Variants in IGFL2 observed in about 807,000 individuals in gnomAD.
The protein encoded by IGFL2 is insulin growth factor-like family member 2.
IGFL2 carries 7 observed loss-of-function variants against 13.9 expected under a neutral mutation model. That is an observed-to-expected ratio of 0.51 (90% CI 0.29 to 0.95). IGFL2 has a LOEUF of 0.95. Ranked by LOEUF, IGFL2 falls within the 40% of genes least tolerant of loss-of-function variation. The pLI is 0.08. For synonymous variants in IGFL2, 55 were observed against 55.8 expected (o/e 0.99, Z 0.07); for missense variants, 138 against 147.8 (o/e 0.93, Z 0.34).
chr19:46,111,897 A>G, the IGFL2 span: 2 of 152,260 alleles, frequency 1.3e-5, no homozygotes, highest in Admixed American at 6.5e-5. Context: ...ATATCCATGT[A>G]ACAACCTGTA....
chr19:46,141,826 T>C (rs1972871949), upstream of IGFL2, among the ~76,000 whole-genome samples: 1 of 152,200 alleles, frequency 6.6e-6, no homozygotes, highest in African/African-American at 2.4e-5. Context: ...TTGGTCAGTC[T>C]CCTGGGTATT....
At chr19:46,182,365 T>TAAAA in the IGFL2 span, among the ~76,000 whole-genome samples, 412 of 78,650 alleles carry the variant, frequency 5.2e-3, 3 homozygotes, top group African/African-American at 0.011. Flanking sequence ...AGACTTTGCC[T>TAAAA]AAAAAAAAAA....
intron 3 of IGFL2, 49 bp downstream of exon 3, chr19:46,160,930 TGAG>T (rs1203807967): frequency 3.1e-6 from 5 of 1,602,850 alleles, no homozygotes; most frequent in Non-Finnish European, 4.3e-6. Flanking sequence ...GAGGTGGAAA[TGAG>T]GAGGGGAGTC....
At chr19:46,128,417 G>T in the IGFL2 span, among the ~76,000 whole-genome samples, 1 of 152,114 alleles carries the variant, frequency 6.6e-6, no homozygotes, top group African/African-American at 2.4e-5. Flanking sequence ...TCCTTATCTT[G>T]TACCAGTTTT....
At chr19:46,159,416 A>C (rs908042428) in intron 1 of IGFL2, 2 of 152,206 alleles carry the variant, frequency 1.3e-5, no homozygotes, top group African/African-American at 4.8e-5. Flanking sequence ...ATGGAGTAGG[A>C]CTTGGCTGCA....
the IGFL2 span, among the ~76,000 whole-genome samples, chr19:46,138,050 A>G: frequency 6.6e-6 from 1 of 152,208 alleles, no homozygotes. Context: ...GTTAAGAACC[A>G]TTGCTGGGAA....
At chr19:46,178,226 A>G in the IGFL2 span, among the ~76,000 whole-genome samples, 135 of 152,158 alleles carry the variant, frequency 8.9e-4, 1 homozygote, top group African/African-American at 3.1e-3. Flanking sequence ...GCAGTGAGCC[A>G]AGATCGTGCC....
the IGFL2 span, among the ~76,000 whole-genome samples, chr19:46,168,219 G>A: frequency 6.6e-6 from 1 of 152,144 alleles, no homozygotes; most frequent in Non-Finnish European, 1.5e-5. Context: ...ACAGGCATGA[G>A]CTGCCAATAC....
chr19:46,148,006 C>G, upstream of IGFL2: 1 of 403,746 alleles, frequency 2.5e-6, no homozygotes, highest in Non-Finnish European at 4.4e-6. Flanking sequence ...TCACTCACGG[C>G]TTTGAAAGGT....
At chr19:46,098,054 C>A in the IGFL2 span, among the ~76,000 whole-genome samples, 1 of 152,128 alleles carries the variant, frequency 6.6e-6, no homozygotes, top group African/African-American at 2.4e-5. Flanking sequence ...GTCCTGAATA[C>A]CCTTGTTAAT....
the IGFL2 span, among the ~76,000 whole-genome samples, chr19:46,168,640 A>T: frequency 1.3e-5 from 2 of 152,132 alleles, no homozygotes; most frequent in African/African-American, 4.8e-5. Flanking sequence ...CTGACAAACA[A>T]CTTTGTATCA....
downstream of IGFL2, among the ~76,000 whole-genome samples, chr19:46,161,759 T>G (rs1051613798): frequency 1.3e-5 from 2 of 152,194 alleles, no homozygotes; most frequent in African/African-American, 4.8e-5. Flanking sequence ...TGGGTCTTGC[T>G]TTTTTATCCA....
the IGFL2 span, among the ~76,000 whole-genome samples, chr19:46,169,350 T>C: frequency 1.3e-5 from 2 of 152,208 alleles, no homozygotes; most frequent in Non-Finnish European, 2.9e-5. Flanking sequence ...ATTGTTTCAA[T>C]TGAATGCAGT....
chr19:46,159,567 T>C (rs1974024831), intron 1 of IGFL2: 2 of 152,218 alleles, frequency 1.3e-5, no homozygotes, highest in African/African-American at 2.4e-5. Context: ...CACCTGCCTG[T>C]ACATGCTTTC....
At chr19:46,181,317 A>G in the IGFL2 span, 3 of 152,220 alleles carry the variant, frequency 2.0e-5, no homozygotes, top group Non-Finnish European at 2.9e-5. Context: ...CTTCTTGTCC[A>G]GAGATTGAAG....
the IGFL2 span, among the ~76,000 whole-genome samples, chr19:46,215,350 T>C: frequency 3.3e-5 from 5 of 152,200 alleles, no homozygotes; most frequent in East Asian, 5.8e-4. Context: ...CTAATAAATC[T>C]TCATAAAATA....
chr19:46,132,700 A>G, the IGFL2 span, among the ~76,000 whole-genome samples: 1 of 136,994 alleles, frequency 7.3e-6, no homozygotes, highest in East Asian at 2.1e-4. Flanking sequence ...AAAGAAGAAG[A>G]AAGGGAAGGA....
At chr19:46,125,437 C>A in the IGFL2 span, among the ~76,000 whole-genome samples, 2 of 152,170 alleles carry the variant, frequency 1.3e-5, no homozygotes, top group Non-Finnish European at 2.9e-5. Flanking sequence ...AAGGGCAGGG[C>A]AAACTGAGGC....
chr19:46,101,272 G>GTGCT, the IGFL2 span: 2 of 152,352 alleles, frequency 1.3e-5, no homozygotes, highest in Non-Finnish European at 2.9e-5. Context: ...GTGCTGTGCT[G>GTGCT]GGGGGAAACC....
Sources: allele counts gnomAD v4.1 joint callset (sites outside exome capture counted in the v4.1 genomes callset), GRCh38; gene constraint gnomAD v4.1.1; transcripts MANE v1.5; gene names NCBI Gene and HGNC (gene_info 2026-07-23, HGNC 2026-07-21).